RABGAP1: variants seen among roughly 807,000 people sequenced by gnomAD.
The protein encoded by RABGAP1 is rab GTPase-activating protein 1.
A neutral mutation model predicts 137.6 loss-of-function variants in RABGAP1; 23 were observed. That is an observed-to-expected ratio of 0.17 (90% CI 0.12 to 0.24). RABGAP1 has a LOEUF of 0.24. Ranked by LOEUF, RABGAP1 falls within the 10% of genes least tolerant of loss-of-function variation. The pLI is 1.00. For synonymous variants in RABGAP1, 451 were observed against 450.7 expected, an observed-to-expected ratio of 1.00 and a Z score of -0.01; for missense variants, 906 against 1,275.8, an observed-to-expected ratio of 0.71 and a Z score of 4.42.
chr9:122,944,240 T>TG lies in RABGAP1; in HGVS notation c.-50+3147_-50+3148insG, dbSNP rs548104058. On this transcript the variant is annotated intron_variant, in intron 1 of 25. Coordinates refer to ENST00000373647, the MANE Select transcript of RABGAP1 (RefSeq NM_012197.4). ...ATGAATACAACACACTTTTTTTTTT[T>TG]TTTAAAAGAGATAGGGTTTTGTTCT... Among the ~76,000 whole-genome samples the TG allele has an allele frequency of 2.9e-3, 443 of 152,258 alleles. 2 individuals carry two copies. The highest frequency in any genetic ancestry group is 0.01 in the African/African-American group (419 of 41,544).
intron 13 of RABGAP1, among the ~76,000 whole-genome samples, chr9:123,036,527 C>A (rs1451480167): frequency 6.6e-6 from 1 of 152,084 alleles, no homozygotes; most frequent in Admixed American, 6.6e-5. Flanking sequence ...ATTGTCTGTT[C>A]TTTCTATTCA....
At chr9:123,045,080 G>A (rs1483808192) in intron 13 of RABGAP1, among the ~76,000 whole-genome samples, 2 of 152,136 alleles carry the variant, frequency 1.3e-5, no homozygotes, top group African/African-American at 4.8e-5. Flanking sequence ...GTTACAAAAC[G>A]ACTGAATTAG....
intron 1 of RABGAP1, among the ~76,000 whole-genome samples, chr9:122,955,819 A>G (rs1834487708): frequency 1.3e-5 from 2 of 152,218 alleles, no homozygotes; most frequent in African/African-American, 2.4e-5. Flanking sequence ...TTAAAAATCC[A>G]AAGCATAAAT....
intron 1 of RABGAP1, among the ~76,000 whole-genome samples, chr9:122,943,165 C>T (rs1348336433): frequency 2.8e-5 from 4 of 141,372 alleles, no homozygotes; most frequent in African/African-American, 1.1e-4. Flanking sequence ...ACCTCCGCCT[C>T]CTGGGTTCAA....
chr9:122,934,853 C>T, the RABGAP1 span, among the ~76,000 whole-genome samples: 4 of 152,090 alleles, frequency 2.6e-5, no homozygotes, highest in Non-Finnish European at 4.4e-5. Context: ...AATCCGCCTG[C>T]GTTGACCTTC....
At chr9:122,974,423 T>C (rs1285362700) in intron 2 of RABGAP1, among the ~76,000 whole-genome samples, 1 of 145,494 alleles carries the variant, frequency 6.9e-6, no homozygotes, top group South Asian at 2.2e-4. Context: ...GTCTTTTTTT[T>C]TTTTTTTTTT....
At chr9:123,101,178 G>T (rs927763136) in intron 24 of RABGAP1, among the ~76,000 whole-genome samples, 36 of 152,146 alleles carry the variant, frequency 2.4e-4, no homozygotes, top group Non-Finnish European at 5.9e-5. Flanking sequence ...TTTAGAGGCT[G>T]TGTACTTCCT....
In RABGAP1 at chr9:123,035,569, C is replaced by G. The variant is rs760563616; in HGVS notation, c.1794+15110C>G. 5 of 1,609,042 alleles carry G rather than the reference C, an allele frequency of 3.1e-6. No homozygotes were observed. The Admixed American group carries it at 5.1e-5, about 16-fold the overall frequency. On this transcript the variant is annotated intron_variant, in intron 13 of 25. Coordinates refer to ENST00000373647, the MANE Select transcript of RABGAP1 (RefSeq NM_012197.4). Reference sequence around the variant, plus strand: ...TGCAAGTCAGACTACAGCCAACGACCCTTACACAGTTAGAAGCAAAGGCCC... The same window carrying G: ...TGCAAGTCAGACTACAGCCAACGACGCTTACACAGTTAGAAGCAAAGGCCC...
chr9:123,069,365 G>A (rs2034279104), intron 14 of RABGAP1, among the ~76,000 whole-genome samples: 1 of 152,150 alleles, frequency 6.6e-6, no homozygotes, highest in Non-Finnish European at 1.5e-5. Flanking sequence ...CTGTATATGA[G>A]GTGCTGACTC....
In RABGAP1 at chr9:122,957,684, A is replaced by T. The variant is rs905792328; in HGVS notation, c.150+475A>T. ...CCTATTATTGTTCTACTCTTTATTG[A>T]TATAAATAAAAACAGATTATCTGTT... On this transcript the variant is annotated intron_variant, in intron 2 of 25. Coordinates refer to ENST00000373647, the MANE Select transcript of RABGAP1 (RefSeq NM_012197.4). Among the ~76,000 whole-genome samples the T allele has an allele frequency of 3.3e-5, 5 of 151,860 alleles. No individual in the cohort carries two copies. In the South Asian group the frequency reaches 6.2e-4, roughly 19 times the overall value.
chr9:122,995,899 G>C, intron 6 of RABGAP1, 142 bp from the exon 7 acceptor site: 1 of 1,390,546 alleles, frequency 7.2e-7, no homozygotes, highest in South Asian at 1.6e-5. Flanking sequence ...AAGAGGCATA[G>C]AATGATTTTT....
At chr9:122,945,307 C>G (rs1193375181) in intron 1 of RABGAP1, 1 of 151,998 alleles carries the variant, frequency 6.6e-6, no homozygotes. Flanking sequence ...TTGACCCTAA[C>G]AGCCTTGTTT....
At chr9:122,953,483 G>A (rs1326411966) in intron 1 of RABGAP1, among the ~76,000 whole-genome samples, 1 of 151,392 alleles carries the variant, frequency 6.6e-6, no homozygotes, top group African/African-American at 2.4e-5. Context: ...CTCACTGCAA[G>A]CTCTGCCTCC....
chr9:123,089,120 C>T (rs952561931), intron 19 of RABGAP1, among the ~76,000 whole-genome samples: 6 of 152,086 alleles, frequency 3.9e-5, no homozygotes, highest in African/African-American at 1.4e-4. Flanking sequence ...GGCATCTAAG[C>T]AGAGTAGTCA....
intron 13 of RABGAP1, chr9:123,029,519 A>G (rs767539772): frequency 7.1e-5 from 60 of 848,670 alleles, no homozygotes; most frequent in Middle Eastern, 5.2e-4. Context: ...GGAACCTCAA[A>G]TCTTCAGTCT....
At chr9:123,052,207 G>T (rs2033513797) in intron 13 of RABGAP1, among the ~76,000 whole-genome samples, 1 of 152,192 alleles carries the variant, frequency 6.6e-6, no homozygotes, top group Non-Finnish European at 1.5e-5. Context: ...GGATTAAGAA[G>T]GTGAGCTAGG....
intron 2 of RABGAP1, among the ~76,000 whole-genome samples, chr9:122,960,465 G>A (rs1250862451): frequency 6.6e-6 from 1 of 152,188 alleles, no homozygotes; most frequent in African/African-American, 2.4e-5. Flanking sequence ...AACTCCAGAG[G>A]CTTAACACTA....
intron 13 of RABGAP1, among the ~76,000 whole-genome samples, chr9:123,030,577 T>C (rs538135019): frequency 1.3e-5 from 2 of 152,242 alleles, no homozygotes; most frequent in African/African-American, 4.8e-5. Context: ...ACATACATAC[T>C]TATGAGGTAT....
chr9:122,979,793 C>T (rs1835953072), intron 2 of RABGAP1, among the ~76,000 whole-genome samples: 1 of 152,210 alleles, frequency 6.6e-6, no homozygotes, highest in African/African-American at 2.4e-5. Context: ...TTTCTGGACT[C>T]TGTTCTGTGC....
Sources: gnomAD v4.1 joint callset for allele counts (sites outside exome capture counted in the v4.1 genomes callset) on GRCh38, gnomAD v4.1.1 for gene constraint, MANE v1.5 for transcripts, NCBI Gene and HGNC (gene_info 2026-07-23, HGNC 2026-07-21) for gene names.